Variants in ULK4 observed in about 807,000 individuals in gnomAD.
The protein encoded by ULK4 is unc-51 like kinase 4.
ULK4 carries 133 observed loss-of-function variants against 160.6 expected under a neutral mutation model. The ratio of observed to expected loss-of-function variants is 0.83; its 90% CI spans 0.72 to 0.96. ULK4 has a LOEUF of 0.96. ULK4 is among the 40% of genes least tolerant of loss of function. ULK4 has a pLI of 0.00. For missense variants in ULK4, 1,580 were observed against 1,499.5 expected, an observed-to-expected ratio of 1.05 and a Z score of -0.89; for synonymous variants, 534 against 539.8, an observed-to-expected ratio of 0.99 and a Z score of 0.15.
intron 31 of ULK4, among the ~76,000 whole-genome samples, chr3:41,601,239 C>T (rs2032038239): frequency 6.6e-6 from 1 of 152,026 alleles, no homozygotes. Context: ...TAATCCTACT[C>T]TAATACATAA....
intron 17 of ULK4, among the ~76,000 whole-genome samples, chr3:41,849,585 T>C (rs2042159164): frequency 6.6e-6 from 1 of 152,210 alleles, no homozygotes. Flanking sequence ...TTTTAATACA[T>C]TCTTCTCAAC....
chr3:41,815,011 C>T (rs1434133185), intron 19 of ULK4, among the ~76,000 whole-genome samples: 5 of 150,164 alleles, frequency 3.3e-5, no homozygotes, highest in Admixed American at 6.7e-5. Flanking sequence ...CAGGTTCAAG[C>T]GATTCTCCTG....
Position 41,877,853 on chromosome 3 carries a change from T to C in ULK4, c.1656+6021A>G, listed in dbSNP as rs1471712345. 2.0e-5 allele frequency among the ~76,000 whole-genome samples: 3 copies of C among 151,646 alleles called. No homozygotes were observed. In the East Asian group the frequency reaches 5.9e-4, roughly 30 times the overall value. ...AAAATTAGTCGGGCATGATGGTGCATGCCTGTAATCTCAGCTACTCAAGAG... is the reference window on the plus strand; with the variant it reads ...AAAATTAGTCGGGCATGATGGTGCACGCCTGTAATCTCAGCTACTCAAGAG... On this transcript the variant is annotated intron_variant, in intron 17 of 36. Coordinates refer to ENST00000301831, the MANE Select transcript of ULK4 (RefSeq NM_017886.4).
chr3:41,856,476 G>A (rs1192372182), intron 17 of ULK4, among the ~76,000 whole-genome samples: 1 of 142,020 alleles, frequency 7.0e-6, no homozygotes, highest in Admixed American at 7.3e-5. Context: ...GGGATACAAA[G>A]TACTCCATGA....
At chr3:41,803,171 C>CAA (rs60309572) in intron 19 of ULK4, among the ~76,000 whole-genome samples, 1 of 136,106 alleles carries the variant, frequency 7.3e-6, no homozygotes. Flanking sequence ...GACTCCATCT[C>CAA]AAAAAAAAAA....
At chr3:41,683,154 G>A (rs576008827) in intron 27 of ULK4, among the ~76,000 whole-genome samples, 1 of 152,240 alleles carries the variant, frequency 6.6e-6, no homozygotes, top group African/African-American at 2.4e-5. Flanking sequence ...CAAGGCTTTA[G>A]TCATGCTATA....
intron 30 of ULK4, among the ~76,000 whole-genome samples, chr3:41,636,811 T>A (rs1436126498): frequency 2.0e-5 from 3 of 150,720 alleles, no homozygotes; most frequent in African/African-American, 4.9e-5. Context: ...AACATTTTAA[T>A]GGGCATTCTT....
At chr3:41,707,700 T>G (rs1399667579) in intron 25 of ULK4, among the ~76,000 whole-genome samples, 1 of 151,982 alleles carries the variant, frequency 6.6e-6, no homozygotes. Flanking sequence ...CATGGTGGCA[T>G]GCACCTGTAG....
rs376599239 is a variant in ULK4, at chr3:41,547,430, C to T, written c.3226+18595G>A. Among the ~76,000 whole-genome samples, 20 of 152,272 alleles carry T rather than the reference C, an allele frequency of 1.3e-4. No homozygotes were observed. The South Asian group carries it at 4.1e-3, about 32-fold the overall frequency. On this transcript the variant is annotated intron_variant, in intron 32 of 36. Transcript: ENST00000301831. ...GCAGCCACTGCCACCCAGCCAGGAT[C>T]AACTTGGAGCCCAGAGAGGCTCTCC...
At chr3:41,252,397 G>C (rs1023402303) in intron 35 of ULK4, among the ~76,000 whole-genome samples, 12 of 152,062 alleles carry the variant, frequency 7.9e-5, no homozygotes, top group Non-Finnish European at 1.8e-4. Context: ...CTTGAAACAA[G>C]TATTACAATA....
chr3:41,909,737 TAATA>T (rs1698710848), intron 11 of ULK4, among the ~76,000 whole-genome samples: 2 of 151,984 alleles, frequency 1.3e-5, no homozygotes, highest in East Asian at 1.9e-4. Flanking sequence ...AATAAATAAA[TAATA>T]AATAAAATGT....
In ULK4 at chr3:41,329,919, AT is replaced by A. The variant is rs751622406; in HGVS notation, c.3678+68159del. ...AAATAAAAATACAAAAACATATGAGATTACTGACCTGAATTAAAATTCCCTA... is the reference window on the plus strand; with the variant it reads ...AAATAAAAATACAAAAACATATGAGATACTGACCTGAATTAAAATTCCCTA... On this transcript the variant is annotated intron_variant, in intron 35 of 36. Coordinates refer to ENST00000301831, the MANE Select transcript of ULK4 (RefSeq NM_017886.4). Among the ~76,000 whole-genome samples the A allele has an allele frequency of 9.6e-4, 147 of 152,348 alleles. 1 individual carries two copies. The highest frequency in any genetic ancestry group is 4.6e-4 in the Non-Finnish European group (31 of 68,028).
intron 21 of ULK4, among the ~76,000 whole-genome samples, chr3:41,762,290 A>ACCCTT (rs1213378379): frequency 1.3e-5 from 2 of 151,500 alleles, no homozygotes; most frequent in Non-Finnish European, 2.9e-5. Flanking sequence ...CCCTTCCAAT[A>ACCCTT]CCCTTCCCAG....
At chr3:41,864,631 A>G (rs1220463261) in intron 17 of ULK4, among the ~76,000 whole-genome samples, 4 of 152,124 alleles carry the variant, frequency 2.6e-5, no homozygotes, top group Non-Finnish European at 5.9e-5. Flanking sequence ...AGCTCATTCA[A>G]GGCTGGGTGT....
intron 35 of ULK4, among the ~76,000 whole-genome samples, chr3:41,285,356 C>CG (rs1351128516): frequency 6.6e-6 from 1 of 152,016 alleles, no homozygotes; most frequent in Non-Finnish European, 1.5e-5. Context: ...CATCAATCAA[C>CG]GAGTGGATAA....
chr3:41,341,082 C>T (rs912904139), intron 35 of ULK4, among the ~76,000 whole-genome samples: 2 of 152,170 alleles, frequency 1.3e-5, no homozygotes, highest in African/African-American at 2.4e-5. Flanking sequence ...TGCCATCTCA[C>T]GGCTGGGAGC....
intron 35 of ULK4, among the ~76,000 whole-genome samples, chr3:41,266,990 G>C (rs1443365194): frequency 7.8e-6 from 1 of 128,776 alleles, no homozygotes; most frequent in African/African-American, 3.0e-5. Flanking sequence ...TGGCAAGTGT[G>C]TGTGTGTGAG....
chr3:41,935,623 A>G (rs1699751750), intron 4 of ULK4, among the ~76,000 whole-genome samples, 178 bp downstream of exon 4: 1 of 151,810 alleles, frequency 6.6e-6, no homozygotes, highest in African/African-American at 2.4e-5. Context: ...AGCCTCCCAA[A>G]GTGCTAGGAT....
chr3:41,723,341 T>C (rs1229439487), intron 22 of ULK4, among the ~76,000 whole-genome samples: 2 of 152,098 alleles, frequency 1.3e-5, no homozygotes, highest in Non-Finnish European at 2.9e-5. Context: ...ATTAATTATA[T>C]GGTCTGGATC....
Sources: gnomAD v4.1 joint callset for allele counts (sites outside exome capture counted in the v4.1 genomes callset) on GRCh38, gnomAD v4.1.1 for gene constraint, MANE v1.5 for transcripts, NCBI Gene and HGNC (gene_info 2026-07-23, HGNC 2026-07-21) for gene names.